The following TBC1D2 variants were observed in gnomAD, a reference collection of about 807,000 sequenced individuals.
TBC1D2 encodes TBC1 domain family member 2.
TBC1D2 carries 58 observed loss-of-function variants against 91.1 expected under a neutral mutation model. The observed-to-expected ratio is 0.64, with a 90% CI of 0.52 to 0.79. The LOEUF is 0.79. Among genes scored for constraint, TBC1D2 ranks in the 30% least tolerant of loss-of-function variants. The probability of loss-of-function intolerance (pLI) is 0.00; values close to 1 mark genes in which losing one functional copy is unlikely to be tolerated. For synonymous variants in TBC1D2, 482 were observed against 511.5 expected (o/e 0.94, Z 0.78); for missense variants, 1,080 against 1,208.3 (o/e 0.89, Z 1.57).
intron 11 of TBC1D2, among the ~76,000 whole-genome samples, 190 bp from the exon 12 acceptor site, chr9:98,200,564 TG>T (rs1010148527): frequency 3.4e-4 from 6 of 17,708 alleles, no homozygotes; most frequent in East Asian, 2.9e-3. Context: ...GGCGGGGTGG[TG>T]GGGGGGCGGG....
chr9:98,201,362 T>G, intron 11 of TBC1D2, 117 bp downstream of exon 11: 1 of 961,184 alleles, frequency 1.0e-6, no homozygotes, highest in Non-Finnish European at 1.5e-6. Context: ...TCAGGAGACG[T>G]TCAACAGCTC....
chr9:98,210,605 G>A (rs1828807266), intron 8 of TBC1D2, 51 bp downstream of exon 8: 2 of 1,477,906 alleles, frequency 1.4e-6, no homozygotes, highest in African/African-American at 1.4e-5. Context: ...GGCAGCTGGG[G>A]AGGAGCCGCC....
At chr9:98,249,645 C>A (rs904699251) in intron 2 of TBC1D2, among the ~76,000 whole-genome samples, 1 of 151,984 alleles carries the variant, frequency 6.6e-6, no homozygotes, top group Non-Finnish European at 1.5e-5. Flanking sequence ...AAAAGAAACT[C>A]CAAAGAAATT....
chr9:98,218,081 C>T (rs1043870668), intron 6 of TBC1D2, among the ~76,000 whole-genome samples: 2 of 151,998 alleles, frequency 1.3e-5, no homozygotes, highest in African/African-American at 4.8e-5. Context: ...TAACTCCTGG[C>T]CTCAAGTAAT....
chr9:98,247,373 A>C lies in TBC1D2; in HGVS notation c.512-3244T>G, dbSNP rs545999146. 6.6e-5 allele frequency among the ~76,000 whole-genome samples: 10 copies of C among 151,322 alleles called. No homozygotes were observed. The East Asian group carries it at 7.9e-4, about 12-fold the overall frequency. On this transcript the variant is annotated intron_variant, in intron 2 of 12. Transcript: ENST00000465784. The stretch of plus-strand genomic sequence containing the variant: ...CAAACACAAACAAACAAAAAAAAAA[A>C]CAAGAAGGATACTCTCTACCTTGTC...
chr9:98,208,210 C>CA (rs1828706803), intron 9 of TBC1D2, among the ~76,000 whole-genome samples: 1 of 152,146 alleles, frequency 6.6e-6, no homozygotes, highest in Admixed American at 6.5e-5. Flanking sequence ...CATGTCCTCT[C>CA]ACCAGCCTGT....
At chr9:98,244,483 A>C (rs1157252155) in intron 2 of TBC1D2, among the ~76,000 whole-genome samples, 1 of 152,028 alleles carries the variant, frequency 6.6e-6, no homozygotes, top group Non-Finnish European at 1.5e-5. Context: ...AACATGAAGA[A>C]ACCCTGTCTC....
chr9:98,242,803 C>CTTTTTTTT lies in TBC1D2; in HGVS notation c.647+1183_647+1190dup, dbSNP rs36035887. ...TCCAAAGCCCAGGCCACACTGCTGC[C>CTTTTTTTT]TTTTTTTTTTTTTTTTTTTTTTTTT... On this transcript the variant is annotated intron_variant, in intron 3 of 12. Transcript: ENST00000465784. Among the ~76,000 whole-genome samples the CTTTTTTTT allele has an allele frequency of 2.9e-4, 24 of 83,166 alleles. 4 individuals are homozygous for CTTTTTTTT. Among genetic ancestry groups the CTTTTTTTT allele is most frequent in the African/African-American group, 9.4e-4 (18 of 19,048 alleles). 54.6% of individuals were successfully genotyped at this position (83,166 alleles called of 152,430 possible). A position where few individuals can be genotyped will look rare whatever the true frequency, so the allele number is the denominator to read the frequency against.
At chr9:98,245,113 G>A (rs1011439604) in intron 2 of TBC1D2, among the ~76,000 whole-genome samples, 4 of 151,804 alleles carry the variant, frequency 2.6e-5, no homozygotes, top group Non-Finnish European at 4.4e-5. Flanking sequence ...GGTTGCAGGC[G>A]CCTGTAGTCC....
At chr9:98,216,026 C>A (rs966973747) in intron 6 of TBC1D2, among the ~76,000 whole-genome samples, 1 of 152,208 alleles carries the variant, frequency 6.6e-6, no homozygotes, top group Non-Finnish European at 1.5e-5. Flanking sequence ...GGCCATGTAC[C>A]GGCACCGCCT....
chr9:98,208,207 T>C (rs1418079886), intron 9 of TBC1D2, among the ~76,000 whole-genome samples: 1 of 152,106 alleles, frequency 6.6e-6, no homozygotes, highest in East Asian at 1.9e-4. Flanking sequence ...GAACATGTCC[T>C]CTCACCAGCC....
In TBC1D2 at chr9:98,199,312, C is replaced by T. The variant is rs1828416586; in HGVS notation, c.*69G>A. 3 of 1,569,984 alleles carry T rather than the reference C, an allele frequency of 1.9e-6. No individual in the cohort carries two copies. Among genetic ancestry groups the T allele is most frequent in the African/African-American group, 2.7e-5 (2 of 74,090 alleles). On this transcript the variant is annotated 3_prime_UTR_variant, in exon 13 of 13. Coordinates refer to ENST00000465784, the MANE Select transcript of TBC1D2 (RefSeq NM_001267571.2). ...GGACACCCAGGGCTGGGCCACTGGTCCGTGCCTGACCTCCAGTGGGTCTGC... is the reference window on the plus strand; with the variant it reads ...GGACACCCAGGGCTGGGCCACTGGTTCGTGCCTGACCTCCAGTGGGTCTGC...
intron 3 of TBC1D2, among the ~76,000 whole-genome samples, chr9:98,238,927 T>C (rs964639662): frequency 2.0e-5 from 3 of 152,122 alleles, no homozygotes; most frequent in African/African-American, 7.2e-5. Flanking sequence ...TTCACCATAT[T>C]GGCCAGGCTG....
intron 3 of TBC1D2, among the ~76,000 whole-genome samples, chr9:98,239,515 G>A (rs1175419067): frequency 6.6e-6 from 1 of 152,200 alleles, no homozygotes; most frequent in African/African-American, 2.4e-5. Flanking sequence ...GTATTCCTAA[G>A]ATAAATCCTA....
At chr9:98,201,339 G>T in intron 11 of TBC1D2, 140 bp downstream of exon 11, 1 of 750,558 alleles carries the variant, frequency 1.3e-6, no homozygotes, top group Non-Finnish European at 2.1e-6. Flanking sequence ...GCATTTTGCA[G>T]TTGACAATGC....
At chr9:98,213,082 G>C (rs751508843) in intron 7 of TBC1D2, 26 bp downstream of exon 7, 2 of 1,612,914 alleles carry the variant, frequency 1.2e-6, no homozygotes, top group Non-Finnish European at 1.7e-6. Flanking sequence ...GGATGGAGAC[G>C]GCTGGAATAG....
Position 98,212,918 on chromosome 9 carries a change from C to G in TBC1D2, c.1485+190G>C, listed in dbSNP as rs1010331032. On this transcript the variant is annotated intron_variant, in intron 7 of 12. Transcript: ENST00000465784. Reference sequence around the variant, plus strand: ...CCCCACAGCTACTCAGTGAACGCTGCGGAACAAATGACTCAATCCCCCGAC... The same window carrying G: ...CCCCACAGCTACTCAGTGAACGCTGGGGAACAAATGACTCAATCCCCCGAC... Among the ~76,000 whole-genome samples the G allele has an allele frequency of 2.0e-5, 3 of 152,166 alleles. No homozygotes were observed. In the South Asian group the frequency reaches 6.2e-4, roughly 31 times the overall value.
intron 3 of TBC1D2, chr9:98,235,672 T>C (rs1829485883): frequency 3.4e-6 from 1 of 292,606 alleles, no homozygotes; most frequent in Non-Finnish European, 6.7e-6. Flanking sequence ...CCCCAATAAA[T>C]TGTCTTTTTC....
chr9:98,202,186 C>T lies in TBC1D2; in HGVS notation c.2272-522G>A, dbSNP rs534755559. ...TGTGGGAACGCATAATGTCCTGCCT[C>T]GCCGGACATCAAGGAATCTTCTCAA... is the stretch of plus-strand genomic sequence containing the variant. On this transcript the variant is annotated intron_variant, in intron 10 of 12. Coordinates refer to ENST00000465784, the MANE Select transcript of TBC1D2 (RefSeq NM_001267571.2). 5.3e-5 allele frequency among the ~76,000 whole-genome samples: 8 copies of T among 152,330 alleles called. No individual in the cohort carries two copies. In the South Asian group the frequency reaches 1.2e-3, roughly 24 times the overall value.
Sources: allele counts gnomAD v4.1 joint callset (sites outside exome capture counted in the v4.1 genomes callset), GRCh38; gene constraint gnomAD v4.1.1; transcripts MANE v1.5; gene names NCBI Gene and HGNC (gene_info 2026-07-23, HGNC 2026-07-21).